CCDC88B: variants seen among roughly 807,000 people sequenced by gnomAD.
CCDC88B encodes coiled-coil domain-containing protein 88B.
A neutral mutation model predicts 183.7 loss-of-function variants in CCDC88B; 138 were observed. That is an observed-to-expected ratio of 0.75 (90% CI 0.65 to 0.87). The LOEUF (loss-of-function observed/expected upper bound fraction) is 0.87, where lower values mean the gene tolerates loss of function less well. Ranked by LOEUF, CCDC88B falls within the 40% of genes least tolerant of loss-of-function variation. CCDC88B has a pLI of 0.00. For synonymous variants in CCDC88B, 835 were observed against 867.5 expected, an observed-to-expected ratio of 0.96 and a Z score of 0.66; for missense variants, 1,822 against 1,965.6, an observed-to-expected ratio of 0.93 and a Z score of 1.38.
In CCDC88B at chr11:64,340,672, G is replaced by C. The variant is rs963845970; in HGVS notation, c.126G>C (p.Glu42Asp). The change falls in exon 2 of 27, where the codon GAG becomes GAC. Residue 42 changes from glutamate (E) to aspartate (D), a missense_variant. Coordinates refer to ENST00000356786, the MANE Select transcript of CCDC88B (RefSeq NM_032251.6). ...EDSEGEEEEEEEEPPLWLEKR... is the reference protein window; with the variant it reads ...EDSEGEEEEEDEEPPLWLEKR... ...CGGAGGGGGAAGAAGAGGAAGAGGAGGAAGAGCCGCCCCTTTGGTTGGAGA... is the reference window on the plus strand; with the variant it reads ...CGGAGGGGGAAGAAGAGGAAGAGGACGAAGAGCCGCCCCTTTGGTTGGAGA... The C allele has an allele frequency of 6.2e-7, 1 of 1,612,254 alleles. No homozygotes were observed. The highest frequency in any genetic ancestry group is 1.7e-5 in the Admixed American group (1 of 59,990).
chr11:64,351,174 C>T lies in CCDC88B; in HGVS notation c.2877C>T (p.Pro959=), dbSNP rs1192219771. ...TCTCCTTGCAGCTGCGCCAGGGCCC[C>T]GCGGGGCTGGGGCCCAAAAAGCGTG... ...EEELFQLRQG[P]AGLGPKKRAE... Residue 959 remains proline (P), a synonymous_variant, in exon 17 of 27, where the codon CCC becomes CCT. Transcript: ENST00000356786. The T allele has an allele frequency of 8.1e-6, 12 of 1,489,298 alleles. No individual in the cohort carries two copies. Among genetic ancestry groups the T allele is most frequent in the South Asian group, 4.1e-5 (3 of 72,938 alleles). The allele number at this position is 1,489,298 out of a possible 1,614,324, so 92.3% of individuals were successfully genotyped here.
At chr11:64,349,790 A>C in intron 16 of CCDC88B, 122 bp downstream of exon 16, 4 of 945,324 alleles carry the variant, frequency 4.2e-6, no homozygotes, top group Non-Finnish European at 6.5e-6. Flanking sequence ...TACTTGCCTC[A>C]CTCCCCATGT....
rs1460172017 is a variant in CCDC88B at position 64,340,283 on chromosome 11, G to A, written c.17G>A (p.Gly6Glu). ...GACCCGGGCATGGAGGGGGGCAAGGGGCCCAGGCTCAGAGACTTCCTGAGT... is the reference window on the plus strand; with the variant it reads ...GACCCGGGCATGGAGGGGGGCAAGGAGCCCAGGCTCAGAGACTTCCTGAGT... MEGGK[G>E]PRLRDFLSGS... The change falls in exon 1 of 27, where the codon GGG becomes GAG. Residue 6 changes from glycine (G) to glutamate (E), a missense_variant. Coordinates refer to ENST00000356786, the MANE Select transcript of CCDC88B (RefSeq NM_032251.6). The A allele has an allele frequency of 7.9e-7, 1 of 1,271,646 alleles. No homozygotes were observed. The allele number at this position is 1,271,646 out of a possible 1,614,324, so 78.8% of individuals were successfully genotyped here. A position where few individuals can be genotyped will look rare whatever the true frequency, so the allele number is the denominator to read the frequency against.
rs2036248828 is a variant in CCDC88B, at chr11:64,349,553, A to AATTCT, written c.2747_2748insATTCT (p.Tyr916Ter). 1.3e-6 allele frequency: 2 copies of AATTCT among 1,598,686 alleles called. No homozygotes were observed. The highest frequency in any genetic ancestry group is 1.7e-6 in the Non-Finnish European group (2 of 1,174,288). ...GGTGCTAAGGATTCTCCTGGCAGGT[A>AATTCT]CCAGGGCTTGGAGCAGCGGCTGGAA... On this transcript the variant is annotated stop_gained and frameshift_variant, in exon 16 of 27. Coordinates refer to ENST00000356786, the MANE Select transcript of CCDC88B (RefSeq NM_032251.6). LOFTEE classifies it high-confidence loss of function.
chr11:64,342,034 T>G lies in CCDC88B; in HGVS notation c.716T>G (p.Leu239Trp). ...ELLLEREPLC[L>W]RPEAPSRAPA... The stretch of plus-strand genomic sequence containing the variant: ...CTGCTGGAGCGAGAACCCCTCTGCT[T>G]GAGGCCTGAGGCTCCCTCTAGGGCT... Residue 239 changes from leucine to tryptophan, a missense_variant, in exon 8 of 27, where the codon TTG (leucine) becomes TGG (tryptophan). By Grantham distance (61) the Leu-to-Trp change is moderately conservative. Transcript: ENST00000356786. The G allele has an allele frequency of 6.2e-7, 1 of 1,612,418 alleles. No homozygotes were observed. Among genetic ancestry groups the G allele is most frequent in the Non-Finnish European group, 8.5e-7 (1 of 1,179,680 alleles).
At chr11:64,346,154 G>A (rs889507061) in intron 14 of CCDC88B, among the ~76,000 whole-genome samples, 5 of 152,220 alleles carry the variant, frequency 3.3e-5, no homozygotes, top group Non-Finnish European at 7.3e-5. Context: ...CTGCGCTTGA[G>A]GAGGGTCACC....
chr11:64,345,351 G>C (rs936658052), intron 14 of CCDC88B, among the ~76,000 whole-genome samples, 194 bp downstream of exon 14: 1 of 152,180 alleles, frequency 6.6e-6, no homozygotes, highest in East Asian at 1.9e-4. Context: ...CTGTGTGATG[G>C]GGGCGCTGTG....
At chr11:64,347,545 G>A (rs1490924496) in intron 14 of CCDC88B, among the ~76,000 whole-genome samples, 1 of 152,140 alleles carries the variant, frequency 6.6e-6, no homozygotes, top group Non-Finnish European at 1.5e-5. Flanking sequence ...TAGACATGGG[G>A]TCAGGCGTTG....
At chr11:64,354,807 G>T (rs118002009) in intron 24 of CCDC88B, among the ~76,000 whole-genome samples, 21,832 of 65,794 alleles carry the variant, frequency 0.33, 4,762 homozygotes, top group Non-Finnish European at 0.42. Flanking sequence ...ATAAGCCTCA[G>T]CCTCCCCCCC....
At chr11:64,341,948 G>C in intron 7 of CCDC88B, 46 bp from the exon 8 acceptor site, 1 of 1,591,086 alleles carries the variant, frequency 6.3e-7, no homozygotes, top group Non-Finnish European at 8.6e-7. Flanking sequence ...TCGATGTGCA[G>C]AGGCATTGGA....
intron 9 of CCDC88B, 73 bp downstream of exon 9, chr11:64,342,448 A>G: frequency 6.5e-7 from 1 of 1,543,626 alleles, no homozygotes; most frequent in Non-Finnish European, 8.7e-7. Flanking sequence ...CCTCCCTCCC[A>G]ACCCGGCTCC....
chr11:64,344,241 T>G lies in CCDC88B; in HGVS notation c.1700T>G (p.Met567Arg), dbSNP rs2036006531. 6.2e-7 allele frequency: 1 copy of G among 1,613,288 alleles called. No individual in the cohort carries two copies. Among genetic ancestry groups the G allele is most frequent in the Non-Finnish European group, 8.5e-7 (1 of 1,179,788 alleles). Residue 567 changes from methionine to arginine, a missense_variant, in exon 14 of 27, where the codon ATG becomes AGG. Transcript: ENST00000356786. This position sits in a 1 kb window ranked among gnomAD's most constrained non-coding sequence, Gnocchi z 4.5. ...EAESPLQAAA[M>R]DPQASDWSPQ... ...GAGAGTCCCCTTCAGGCAGCTGCCA[T>G]GGACCCCCAGGCCTCAGACTGGTCC... is the stretch of plus-strand genomic sequence containing the variant.
chr11:64,351,588 G>A lies in CCDC88B; in HGVS notation c.3071G>A (p.Arg1024Gln), dbSNP rs112667752. ...RAQELLLQSQ[R>Q]AQEHSSRLQA... is the part of the protein sequence containing the mutation. Reference sequence around the variant, plus strand: ...CAGGAGCTGCTGCTGCAGAGCCAGCGGGCGCAGGAGCACAGCAGCCGCCTG... The same window carrying A: ...CAGGAGCTGCTGCTGCAGAGCCAGCAGGCGCAGGAGCACAGCAGCCGCCTG... The change falls in exon 18 of 27, where the codon CGG (arginine) becomes CAG (glutamine). Residue 1024 changes from arginine (R) to glutamine (Q), a missense_variant. Arg to Gln is a conservative substitution (Grantham distance 43). Coordinates refer to ENST00000356786, the MANE Select transcript of CCDC88B (RefSeq NM_032251.6). 493 of 1,564,130 alleles carry A rather than the reference G, an allele frequency of 3.2e-4. 2 individuals are homozygous for A. In the African/African-American group the frequency reaches 5.3e-3, roughly 17 times the overall value.
chr11:64,354,691 G>GC (rs370604268), intron 24 of CCDC88B, among the ~76,000 whole-genome samples: 2,673 of 14,132 alleles, frequency 0.19, 125 homozygotes, highest in African/African-American at 0.21. Context: ...ATGAGCCTCC[G>GC]CCCCCCCCCT....
At position 64,342,674 on chromosome 11, in the gene CCDC88B, G is replaced by C. The variant is rs2035926691; in HGVS notation, c.1056G>C (p.Gln352His). ...RLQAAEAYKS[Q>H]LEEERVLSGV... ...AGGCGGCTGAGGCCTACAAGAGTCAGCTGGAGGTGAGGCGGAGACGGAGCC... is the reference window on the plus strand; with the variant it reads ...AGGCGGCTGAGGCCTACAAGAGTCACCTGGAGGTGAGGCGGAGACGGAGCC... Residue 352 changes from glutamine to histidine, a missense_variant, in exon 10 of 27, where the codon CAG (glutamine) becomes CAC (histidine). By Grantham distance (24) the Gln-to-His change is conservative (BLOSUM62 0). Transcript: ENST00000356786. 3.3e-6 allele frequency: 5 copies of C among 1,492,920 alleles called. No homozygotes were observed. Among genetic ancestry groups the C allele is most frequent in the Non-Finnish European group, 4.4e-6 (5 of 1,127,474 alleles). The allele number at this position is 1,492,920 out of a possible 1,614,324, so 92.5% of individuals were successfully genotyped here.
chr11:64,342,979 A>G lies in CCDC88B; in HGVS notation c.1063-200A>G, dbSNP rs373637964. 4.7e-4 allele frequency among the ~76,000 whole-genome samples: 58 copies of G among 123,022 alleles called. No homozygotes were observed. In the East Asian group the frequency reaches 7.7e-3, roughly 16 times the overall value. 80.7% of individuals were successfully genotyped at this position (123,022 alleles called of 152,430 possible). A position where few individuals can be genotyped will look rare whatever the true frequency, so the allele number is the denominator to read the frequency against. ...CGGGGCCTGCACAAAGGGCGGGGCC[A>G]GGGGCGAGGGAGAAAGTACCTGAAG... On this transcript the variant is annotated intron_variant, in intron 10 of 26. Transcript: ENST00000356786.
chr11:64,340,851 G>A, intron 2 of CCDC88B, 56 bp from the exon 3 acceptor site: 2 of 1,536,498 alleles, frequency 1.3e-6, no homozygotes, highest in Non-Finnish European at 1.8e-6. Context: ...CCTGAGGGAC[G>A]GTGGGCGAGG....
At position 64,357,195 on chromosome 11, in the gene CCDC88B, G is replaced by C; in HGVS notation, c.*101G>C. On this transcript the variant is annotated 3_prime_UTR_variant, in exon 27 of 27. Coordinates refer to ENST00000356786, the MANE Select transcript of CCDC88B (RefSeq NM_032251.6). ...GAGCTCAGGGAGCCAGGGACCCCAA[G>C]GGGAGTCCTTGGACAAGGAGGCCTG... 1 of 1,416,256 alleles carries C rather than the reference G, an allele frequency of 7.1e-7. No individual in the cohort carries two copies. Among genetic ancestry groups the C allele is most frequent in the Non-Finnish European group, 1.0e-6 (1 of 1,001,088 alleles). 87.7% of individuals were successfully genotyped at this position (1,416,256 alleles called of 1,614,324 possible).
chr11:64,346,318 G>A (rs1211496177), intron 14 of CCDC88B, among the ~76,000 whole-genome samples: 1 of 152,108 alleles, frequency 6.6e-6, no homozygotes, highest in Non-Finnish European at 1.5e-5. Context: ...GCCCAGTCTG[G>A]AGTGCAGTGG....
Sources: allele counts gnomAD v4.1 joint callset (sites outside exome capture counted in the v4.1 genomes callset), GRCh38; gene constraint gnomAD v4.1.1; non-coding constraint Gnocchi (gnomAD v3.1); transcripts MANE v1.5; gene names NCBI Gene and HGNC (gene_info 2026-07-23, HGNC 2026-07-21).